Variants in EPHA4 observed in about 807,000 individuals in gnomAD.
The protein encoded by EPHA4 is EPH receptor A4, also known as ephrin type-A receptor 4.
In EPHA4, 19 loss-of-function variants were observed where a neutral mutation model predicts 108.3. The observed-to-expected ratio is 0.18, with a 90% CI of 0.12 to 0.26. The LOEUF is 0.26. Ranked by LOEUF, EPHA4 falls within the 10% of genes least tolerant of loss-of-function variation. EPHA4 has a pLI of 1.00. For missense variants in EPHA4, 917 were observed against 1,254.0 expected, an observed-to-expected ratio of 0.73 and a Z score of 4.06; for synonymous variants, 449 against 455.5, an observed-to-expected ratio of 0.99 and a Z score of 0.18.
At chr2:221,420,596 A>G (rs1476884006) in intron 17 of EPHA4, 44 bp from the exon 18 acceptor site, 1 of 152,220 alleles carries the variant, frequency 6.6e-6, no homozygotes, top group African/African-American at 2.4e-5. Flanking sequence ...GTCGACCCAT[A>G]TTGCGAGCCA....
chr2:221,492,021 G>A (rs113536866), intron 4 of EPHA4, among the ~76,000 whole-genome samples: 2,010 of 151,954 alleles, frequency 0.013, 20 homozygotes, highest in Admixed American at 0.017. Context: ...AAAAAAAGAA[G>A]ATACCCCGTT....
intron 3 of EPHA4, among the ~76,000 whole-genome samples, chr2:221,559,955 G>A (rs1295247562): frequency 1.3e-5 from 2 of 152,190 alleles, no homozygotes; most frequent in Non-Finnish European, 2.9e-5. Context: ...AGAGGGCAAA[G>A]CCACCATCCC....
chr2:221,560,342 T>TTCTTTACA (rs1244857581), intron 3 of EPHA4, among the ~76,000 whole-genome samples: 9 of 152,270 alleles, frequency 5.9e-5, no homozygotes, highest in African/African-American at 2.2e-4. Flanking sequence ...TTCTTAAGCT[T>TTCTTTACA]TCTTTACACC....
rs769599505 is a variant in EPHA4 at position 221,563,851 on chromosome 2, T to G, written c.703A>C (p.Asn235His). ...SLVEVRGSCV[N>H]NSEEKDVPKM... The stretch of plus-strand genomic sequence containing the variant: ...GGCACATCTTTCTCTTCTGAGTTGT[T>G]GACACAGGAGCCTCGAACTTCCACC... Residue 235 changes from asparagine to histidine, a missense_variant, in exon 3 of 18, where the codon AAC becomes CAC. Physicochemically the swap from Asn to His is moderately conservative, Grantham distance 68. Coordinates refer to ENST00000281821, the MANE Select transcript of EPHA4 (RefSeq NM_004438.5). The G allele has an allele frequency of 3.1e-6, 5 of 1,614,222 alleles. No homozygotes were observed. In the East Asian group the frequency reaches 1.1e-4, roughly 36 times the overall value.
Position 221,434,194 on chromosome 2 carries a change from C to A in EPHA4, c.2444G>T (p.Trp815Leu), listed in dbSNP as rs1218233138. 6.2e-7 allele frequency: 1 copy of A among 1,614,174 alleles called. No homozygotes were observed. Among genetic ancestry groups the A allele is most frequent in the Non-Finnish European group, 8.5e-7 (1 of 1,180,020 alleles). The change falls in exon 14 of 18, where the codon TGG becomes TTG. Residue 815 changes from tryptophan (W) to leucine (L), a missense_variant. Coordinates refer to ENST00000281821, the MANE Select transcript of EPHA4 (RefSeq NM_004438.5). Reference sequence around the variant, plus strand: ...CCTCTCCCCGTACGACATCACTTCCCACATAACGATTCCATAGCTCCATAC... The same window carrying A: ...CCTCTCCCCGTACGACATCACTTCCAACATAACGATTCCATAGCTCCATAC... ...SDVWSYGIVM[W>L]EVMSYGERPY...
At chr2:221,509,793 G>A (rs1460828471) in intron 3 of EPHA4, among the ~76,000 whole-genome samples, 1 of 152,204 alleles carries the variant, frequency 6.6e-6, no homozygotes, top group East Asian at 1.9e-4. Context: ...TTTTCTGTCT[G>A]ACATTCATAT....
At chr2:221,434,106 A>T (rs766995541) in intron 14 of EPHA4, 36 bp downstream of exon 14, 2 of 1,586,024 alleles carry the variant, frequency 1.3e-6, no homozygotes, top group Non-Finnish European at 1.7e-6. Flanking sequence ...CTGAATCTCA[A>T]TGTGAAAAAA....
intron 3 of EPHA4, among the ~76,000 whole-genome samples, chr2:221,550,566 A>G (rs548577267): frequency 3.3e-4 from 51 of 152,246 alleles, no homozygotes; most frequent in African/African-American, 1.1e-3. Flanking sequence ...ACTTAGATAT[A>G]TTATCTTATT....
intron 3 of EPHA4, among the ~76,000 whole-genome samples, chr2:221,562,873 G>C (rs1336164004): frequency 2.0e-5 from 3 of 151,940 alleles, no homozygotes; most frequent in East Asian, 3.9e-4. Context: ...TGACAGGAAG[G>C]GGTAAAAAAG....
chr2:221,535,258 A>C (rs987148838), intron 3 of EPHA4, among the ~76,000 whole-genome samples: 28 of 152,346 alleles, frequency 1.8e-4, no homozygotes, highest in Admixed American at 1.7e-3. Context: ...TTCAGATCAC[A>C]GACTCCAAAC....
At chr2:221,469,315 C>A (rs1691406339) in intron 5 of EPHA4, among the ~76,000 whole-genome samples, 1 of 152,052 alleles carries the variant, frequency 6.6e-6, no homozygotes, top group Admixed American at 6.6e-5. Flanking sequence ...AGGTAATCAA[C>A]CTCCAAACAC....
intron 5 of EPHA4, among the ~76,000 whole-genome samples, chr2:221,470,679 C>G (rs1404721361): frequency 1.3e-5 from 2 of 151,880 alleles, no homozygotes; most frequent in African/African-American, 2.4e-5. Flanking sequence ...TGCCCTGTTT[C>G]TTGCTTGCTA....
At chr2:221,526,630 T>C (rs1272383406) in intron 3 of EPHA4, among the ~76,000 whole-genome samples, 1 of 151,658 alleles carries the variant, frequency 6.6e-6, no homozygotes, top group Non-Finnish European at 1.5e-5. Context: ...GCGGGTCTCT[T>C]GAGGTCAGGA....
At chr2:221,513,664 T>C (rs898588740) in intron 3 of EPHA4, among the ~76,000 whole-genome samples, 20 of 152,212 alleles carry the variant, frequency 1.3e-4, no homozygotes, top group African/African-American at 4.6e-4. Flanking sequence ...AGTGTATATA[T>C]TAAAAATTTT....
chr2:221,562,360 T>C (rs1242434642), intron 3 of EPHA4, among the ~76,000 whole-genome samples: 1 of 152,194 alleles, frequency 6.6e-6, no homozygotes, highest in Non-Finnish European at 1.5e-5. Flanking sequence ...GTGTAAACTA[T>C]GAATGGAGTA....
chr2:221,570,018 A>G (rs775385793), intron 1 of EPHA4, among the ~76,000 whole-genome samples: 4 of 76,400 alleles, frequency 5.2e-5, no homozygotes, highest in Non-Finnish European at 1.1e-4. Flanking sequence ...GCCAACCCCC[A>G]CCGCAACCAT....
intron 5 of EPHA4, among the ~76,000 whole-genome samples, chr2:221,471,905 C>G (rs191865932): frequency 4.6e-5 from 7 of 152,190 alleles, no homozygotes; most frequent in Non-Finnish European, 1.0e-4. Flanking sequence ...TATCACAAAC[C>G]TTAATAATAA....
intron 5 of EPHA4, among the ~76,000 whole-genome samples, chr2:221,458,967 A>C (rs541743208): frequency 6.6e-6 from 1 of 152,196 alleles, no homozygotes; most frequent in Non-Finnish European, 1.5e-5. Flanking sequence ...TGGGGAAACA[A>C]ATGTCAAAAA....
chr2:221,529,555 T>A (rs1006909081), intron 3 of EPHA4, among the ~76,000 whole-genome samples: 1 of 152,250 alleles, frequency 6.6e-6, no homozygotes, highest in Non-Finnish European at 1.5e-5. Context: ...ACAGAGCTAA[T>A]TATTTTGACC....
Sources: gnomAD v4.1 joint callset for allele counts (sites outside exome capture counted in the v4.1 genomes callset) on GRCh38, gnomAD v4.1.1 for gene constraint, MANE v1.5 for transcripts, NCBI Gene and HGNC (gene_info 2026-07-23, HGNC 2026-07-21) for gene names.